The following PPHLN1 variants were observed in gnomAD, a reference collection of about 807,000 sequenced individuals.
The protein encoded by PPHLN1 is periphilin-1.
In PPHLN1, 29 loss-of-function variants were observed where a neutral mutation model predicts 51.3. The ratio of observed to expected loss-of-function variants is 0.57; its 90% CI spans 0.42 to 0.77. The LOEUF (loss-of-function observed/expected upper bound fraction) is 0.77, where lower values mean the gene tolerates loss of function less well. Among genes scored for constraint, PPHLN1 ranks in the 30% least tolerant of loss-of-function variants. The pLI is 0.00. For missense variants in PPHLN1, 436 were observed against 438.4 expected, an observed-to-expected ratio of 0.99 and a Z score of 0.05; for synonymous variants, 147 against 147.8, an observed-to-expected ratio of 0.99 and a Z score of 0.04.
intron 7 of PPHLN1, among the ~76,000 whole-genome samples, chr12:42,393,003 T>C (rs1202213455): frequency 6.6e-6 from 1 of 152,232 alleles, no homozygotes; most frequent in African/African-American, 2.4e-5. Flanking sequence ...CAAAGCCAGG[T>C]CTGTATATAA....
At chr12:42,412,971 T>G (rs73272065) in intron 9 of PPHLN1, among the ~76,000 whole-genome samples, 2,220 of 152,276 alleles carry the variant, frequency 0.015, 55 homozygotes, top group African/African-American at 0.05. Flanking sequence ...AGGAGATGAT[T>G]ATTATTTTTT....
chr12:42,446,160 ACATTACCTG>A, downstream of PPHLN1: 1 of 1,604,292 alleles, frequency 6.2e-7, no homozygotes, highest in Non-Finnish European at 8.5e-7. Context: ...GGAGCCCCAG[ACATTACCTG>A]GGGGATGCTG....
At chr12:42,350,951 G>A (rs2073258404) in intron 2 of PPHLN1, among the ~76,000 whole-genome samples, 1 of 151,784 alleles carries the variant, frequency 6.6e-6, no homozygotes, top group South Asian at 2.1e-4. Context: ...GGAGACCCTG[G>A]AAAGCAGGAG....
intron 4 of PPHLN1, among the ~76,000 whole-genome samples, chr12:42,365,818 A>T (rs2075213334): frequency 6.6e-6 from 1 of 152,148 alleles, no homozygotes; most frequent in Admixed American, 6.5e-5. Context: ...GTTTCGTCAG[A>T]TGTGTTTTTT....
intron 4 of PPHLN1, among the ~76,000 whole-genome samples, chr12:42,370,304 G>A (rs1041622932): frequency 3.0e-4 from 46 of 152,290 alleles, no homozygotes; most frequent in Admixed American, 2.5e-3. Context: ...GTCTATGGAC[G>A]TACATTTTGA....
In PPHLN1 at chr12:42,422,230, A is replaced by G. The variant is rs540998538; in HGVS notation, c.910-19085A>G. Among the ~76,000 whole-genome samples, 5 of 152,356 alleles carry G rather than the reference A, an allele frequency of 3.3e-5. No homozygotes were observed. In the East Asian group the frequency reaches 5.8e-4, roughly 18 times the overall value. On this transcript the variant is annotated intron_variant, in intron 9 of 9. Coordinates refer to ENST00000358314, the MANE Select transcript of PPHLN1 (RefSeq NM_201439.2). The stretch of plus-strand genomic sequence containing the variant: ...AATAATTTCTGGACTTTTAAATACT[A>G]CAACACAAATAACACTAAACCCTCA...
downstream of PPHLN1, chr12:42,445,812 T>C: frequency 1.3e-6 from 1 of 790,620 alleles, no homozygotes; most frequent in Non-Finnish European, 1.9e-6. Flanking sequence ...TTCTGAAATT[T>C]AGATGATAAA....
chr12:42,344,781 T>C (rs1365281293), intron 2 of PPHLN1, among the ~76,000 whole-genome samples: 1 of 149,638 alleles, frequency 6.7e-6, no homozygotes, highest in African/African-American at 2.5e-5. Flanking sequence ...TAATCTCGGC[T>C]CACTGCAACC....
intron 4 of PPHLN1, among the ~76,000 whole-genome samples, chr12:42,362,247 T>G (rs1565826793): frequency 6.6e-6 from 1 of 152,192 alleles, no homozygotes; most frequent in Non-Finnish European, 1.5e-5. Flanking sequence ...TTTGTCTTTC[T>G]GTTGTTGAAT....
intron 4 of PPHLN1, among the ~76,000 whole-genome samples, chr12:42,370,910 A>G (rs1451334765): frequency 6.6e-6 from 1 of 152,002 alleles, no homozygotes; most frequent in Non-Finnish European, 1.5e-5. Flanking sequence ...GATTCAAGCA[A>G]TTCTCCTGAC....
chr12:42,398,781 G>T, intron 8 of PPHLN1, 73 bp from the exon 9 acceptor site: 2 of 1,388,502 alleles, frequency 1.4e-6, no homozygotes, highest in Non-Finnish European at 2.0e-6. Flanking sequence ...GCCAGTTAGT[G>T]CCTATACACA....
intron 5 of PPHLN1, among the ~76,000 whole-genome samples, chr12:42,377,587 A>T (rs1052734179): frequency 6.6e-6 from 1 of 152,164 alleles, no homozygotes; most frequent in East Asian, 1.9e-4. Flanking sequence ...TACAGGCATG[A>T]GCCACTGTGC....
intron 5 of PPHLN1, among the ~76,000 whole-genome samples, chr12:42,377,360 G>A (rs952033328): frequency 2.1e-5 from 3 of 144,174 alleles, no homozygotes; most frequent in African/African-American, 7.8e-5. Context: ...AGGCTGGAGT[G>A]CAGTGGTGTG....
At chr12:42,440,979 G>C (rs1388625572) in intron 9 of PPHLN1, among the ~76,000 whole-genome samples, 1 of 152,234 alleles carries the variant, frequency 6.6e-6, no homozygotes, top group Non-Finnish European at 1.5e-5. Context: ...CAAAGTCATT[G>C]ATATGTCTTC....
In PPHLN1 at chr12:42,441,929, C is replaced by T; in HGVS notation, c.*420C>T. The T allele has an allele frequency of 1.0e-6, 1 of 967,384 alleles. No individual in the cohort carries two copies. The highest frequency in any genetic ancestry group is 1.2e-6 in the Non-Finnish European group (1 of 813,062). The allele number at this position is 967,384 out of a possible 1,614,324, so 59.9% of individuals were successfully genotyped here. On this transcript the variant is annotated 3_prime_UTR_variant, in exon 10 of 10. Coordinates refer to ENST00000358314, the MANE Select transcript of PPHLN1 (RefSeq NM_201439.2). ...TTGTAATATGTTAAAGTGTACTATC[C>T]TAATAAACTGAATACTTTGGTATCT...
intron 9 of PPHLN1, among the ~76,000 whole-genome samples, chr12:42,415,661 C>A (rs2080311869): frequency 6.6e-6 from 1 of 152,178 alleles, no homozygotes; most frequent in Non-Finnish European, 1.5e-5. Context: ...ACTGTATTAG[C>A]GTATCACTCT....
intron 9 of PPHLN1, chr12:42,431,521 G>A (rs1298871651): frequency 1.8e-6 from 1 of 548,458 alleles, no homozygotes; most frequent in Non-Finnish European, 3.3e-6. Flanking sequence ...GATTTATTCA[G>A]GATCCCTCCC....
downstream of PPHLN1, chr12:42,446,948 T>C (rs1593087183): frequency 3.7e-6 from 1 of 269,044 alleles, no homozygotes; most frequent in Non-Finnish European, 7.0e-6. Context: ...GGGGCGACAA[T>C]GTTCATTACT....
Position 42,405,863 on chromosome 12 carries a change from T to A in PPHLN1, c.909+6869T>A, listed in dbSNP as rs113896028. On this transcript the variant is annotated intron_variant, in intron 9 of 9. Transcript: ENST00000358314. ...TTGTTATTATGTTTTGCTTTTTTTTTAAAATCACTTTTAGTGATGTATGTA... is the reference window on the plus strand; with the variant it reads ...TTGTTATTATGTTTTGCTTTTTTTTAAAAATCACTTTTAGTGATGTATGTA... Among the ~76,000 whole-genome samples, 560 of 152,268 alleles carry A rather than the reference T, an allele frequency of 3.7e-3. 11 individuals carry two copies. The East Asian group carries it at 0.054, about 15-fold the overall frequency.
Sources: allele counts gnomAD v4.1 joint callset (sites outside exome capture counted in the v4.1 genomes callset), GRCh38; gene constraint gnomAD v4.1.1; transcripts MANE v1.5; gene names NCBI Gene and HGNC (gene_info 2026-07-23, HGNC 2026-07-21).